IMMP2L: variants seen among roughly 807,000 people sequenced by gnomAD.
IMMP2L encodes the protein mitochondrial inner membrane protease subunit 2.
In IMMP2L, 18 loss-of-function variants were observed where a neutral mutation model predicts 19.3. That is an observed-to-expected ratio of 0.93 (90% CI 0.64 to 1.38). The LOEUF is 1.38. Among genes scored for constraint, IMMP2L ranks in the 40% most tolerant of loss-of-function variants. The probability of loss-of-function intolerance (pLI) is 0.00; values close to 1 mark genes in which losing one functional copy is unlikely to be tolerated. For missense variants in IMMP2L, 233 were observed against 218.2 expected (o/e 1.07, Z -0.43); for synonymous variants, 76 against 73.0 (o/e 1.04, Z -0.21).
intron 5 of IMMP2L, among the ~76,000 whole-genome samples, chr7:110,869,973 G>A (rs1808376174): frequency 6.6e-6 from 1 of 152,010 alleles, no homozygotes; most frequent in South Asian, 2.1e-4. Flanking sequence ...CTATTGCCCT[G>A]TAGATAAGAC....
chr7:110,787,565 C>A (rs1459189280), intron 5 of IMMP2L, among the ~76,000 whole-genome samples: 9 of 151,920 alleles, frequency 5.9e-5, no homozygotes, highest in Non-Finnish European at 1.0e-4. Flanking sequence ...CTGCTAATCC[C>A]CAGGAGTCTC....
intron 3 of IMMP2L, among the ~76,000 whole-genome samples, chr7:111,458,107 G>A (rs918769791): frequency 2.0e-5 from 3 of 152,114 alleles, no homozygotes; most frequent in Non-Finnish European, 2.9e-5. Context: ...ACCAGGGCAC[G>A]GTGGTTCACG....
intron 4 of IMMP2L, among the ~76,000 whole-genome samples, chr7:110,939,994 G>C (rs1188770696): frequency 6.6e-6 from 1 of 152,156 alleles, no homozygotes; most frequent in African/African-American, 2.4e-5. Flanking sequence ...AAATAAGGGA[G>C]ATCTAATTCC....
intron 3 of IMMP2L, among the ~76,000 whole-genome samples, chr7:111,312,346 T>C (rs1823610217): frequency 6.6e-6 from 1 of 152,152 alleles, no homozygotes; most frequent in Non-Finnish European, 1.5e-5. Flanking sequence ...ATGTCTTATC[T>C]TCCATATAAG....
At chr7:111,359,083 C>T (rs199547911) in intron 3 of IMMP2L, among the ~76,000 whole-genome samples, 1 of 151,166 alleles carries the variant, frequency 6.6e-6, no homozygotes, top group African/African-American at 2.4e-5. Context: ...TAGCTCTTGC[C>T]AAGCCGATAC....
At chr7:111,270,488 T>TC (rs547674941) in intron 3 of IMMP2L, among the ~76,000 whole-genome samples, 228 of 152,214 alleles carry the variant, frequency 1.5e-3, no homozygotes, top group Admixed American at 3.7e-3. Context: ...GTAGATGTAG[T>TC]CCATCAGTTA....
chr7:111,115,428 A>T (rs1357439431), intron 3 of IMMP2L, among the ~76,000 whole-genome samples: 1 of 152,132 alleles, frequency 6.6e-6, no homozygotes, highest in East Asian at 1.9e-4. Context: ...TTCATAAAAA[A>T]TGACAGTATC....
At chr7:111,309,068 T>C (rs2130224004) in intron 3 of IMMP2L, among the ~76,000 whole-genome samples, 1 of 152,242 alleles carries the variant, frequency 6.6e-6, no homozygotes, top group East Asian at 1.9e-4. Context: ...CACCTGCATA[T>C]AATCCAATAA....
At chr7:111,274,927 C>T (rs945771718) in intron 3 of IMMP2L, among the ~76,000 whole-genome samples, 1 of 152,128 alleles carries the variant, frequency 6.6e-6, no homozygotes, top group Non-Finnish European at 1.5e-5. Context: ...AAAGCACTCA[C>T]GCTTGATCAT....
At chr7:111,463,019 G>C (rs1840278289) in intron 3 of IMMP2L, among the ~76,000 whole-genome samples, 2 of 152,094 alleles carry the variant, frequency 1.3e-5, no homozygotes, top group African/African-American at 2.4e-5. Context: ...AGTTCCGGAG[G>C]CCAGAAATCT....
intron 5 of IMMP2L, among the ~76,000 whole-genome samples, chr7:110,694,636 AGAG>A (rs1206178488): frequency 6.6e-6 from 1 of 152,138 alleles, no homozygotes; most frequent in Middle Eastern, 3.2e-3. Context: ...AGCGAGAGAA[AGAG>A]GAGGAGAGAG....
chr7:111,383,714 G>A (rs1831426827), intron 3 of IMMP2L, among the ~76,000 whole-genome samples: 1 of 152,070 alleles, frequency 6.6e-6, no homozygotes, highest in Non-Finnish European at 1.5e-5. Context: ...ATCTCACCTT[G>A]AACCTCCAAA....
chr7:111,379,253 T>TACAGTATC (rs1036465950), intron 3 of IMMP2L, among the ~76,000 whole-genome samples: 15 of 149,534 alleles, frequency 1.0e-4, no homozygotes, highest in Admixed American at 8.7e-4. Context: ...AAACATCATG[T>TACAGTATC]ACAGTATCAC....
intron 5 of IMMP2L, among the ~76,000 whole-genome samples, chr7:110,827,240 C>G (rs986264436): frequency 6.6e-6 from 1 of 152,058 alleles, no homozygotes; most frequent in Non-Finnish European, 1.5e-5. Flanking sequence ...GATAAGCAAC[C>G]CACCCAAAGA....
chr7:111,478,537 G>A (rs1841911515), intron 3 of IMMP2L, among the ~76,000 whole-genome samples: 1 of 151,310 alleles, frequency 6.6e-6, no homozygotes, highest in Non-Finnish European at 1.5e-5. Context: ...CTAGACTACA[G>A]GCATGCAACA....
intron 2 of IMMP2L, among the ~76,000 whole-genome samples, chr7:111,495,800 C>G (rs773206324): frequency 3.3e-5 from 5 of 152,036 alleles, no homozygotes; most frequent in African/African-American, 4.8e-5. Context: ...ATAAAGAAAG[C>G]CTGGTTTTGA....
At chr7:110,855,476 G>T (rs191919903) in intron 5 of IMMP2L, among the ~76,000 whole-genome samples, 1 of 151,900 alleles carries the variant, frequency 6.6e-6, no homozygotes, top group African/African-American at 2.4e-5. Context: ...CACTTCTCAG[G>T]ACTTCATTTC....
chr7:111,283,123 CT>C (rs1820086129), intron 3 of IMMP2L, among the ~76,000 whole-genome samples: 1 of 152,082 alleles, frequency 6.6e-6, no homozygotes, highest in Non-Finnish European at 1.5e-5. Flanking sequence ...TATATGTTCT[CT>C]GATCACAATA....
At chr7:110,665,621 T>C (rs1055177874) in intron 5 of IMMP2L, among the ~76,000 whole-genome samples, 17 of 152,238 alleles carry the variant, frequency 1.1e-4, no homozygotes, top group African/African-American at 3.9e-4. Flanking sequence ...CCCAGCAAGC[T>C]GCCTTGTAAA....
Sources: allele counts gnomAD v4.1 joint callset (sites outside exome capture counted in the v4.1 genomes callset), GRCh38; gene constraint gnomAD v4.1.1; transcripts MANE v1.5; gene names NCBI Gene and HGNC (gene_info 2026-07-23, HGNC 2026-07-21).